Variants in MIA2 observed in about 807,000 individuals in gnomAD.
MIA2 encodes the protein melanoma inhibitory activity protein 2.
MIA2 carries 127 observed loss-of-function variants against 167.8 expected under a neutral mutation model. The observed-to-expected ratio is 0.76, with a 90% CI of 0.66 to 0.88. The LOEUF (loss-of-function observed/expected upper bound fraction) is 0.88, where lower values mean the gene tolerates loss of function less well. MIA2 is among the 40% of genes least tolerant of loss of function. MIA2 has a pLI of 0.00. For synonymous variants in MIA2, 552 were observed against 541.9 expected, an observed-to-expected ratio of 1.02 and a Z score of -0.26; for missense variants, 1,690 against 1,624.7, an observed-to-expected ratio of 1.04 and a Z score of -0.69.
intron 6 of MIA2, chr14:39,267,666 C>G (rs2056170542): frequency 2.0e-5 from 20 of 977,250 alleles, no homozygotes; most frequent in Non-Finnish European, 2.8e-5. Flanking sequence ...GGCTCCCGCC[C>G]GTGTTCGAGG....
At chr14:39,347,646 A>T in intron 26 of MIA2, 67 bp from the exon 27 acceptor site, 1 of 1,530,132 alleles carries the variant, frequency 6.5e-7, no homozygotes, top group Non-Finnish European at 9.0e-7. Flanking sequence ...CAATTTTGTG[A>T]TCTGGAGATA....
chr14:39,314,633 G>A (rs1242188396), intron 19 of MIA2, 106 bp from the exon 20 acceptor site: 5 of 157,604 alleles, frequency 3.2e-5, no homozygotes, highest in Non-Finnish European at 4.9e-5. Flanking sequence ...TTTTTTTCAT[G>A]AAGTAGAGCA....
Position 39,348,858 on chromosome 14 carries a change from G to A in MIA2, c.3953G>A (p.Gly1318Asp), listed in dbSNP as rs556635641. 22 of 1,613,972 alleles carry A rather than the reference G, an allele frequency of 1.4e-5. No homozygotes were observed. Among genetic ancestry groups the A allele is most frequent in the African/African-American group, 2.7e-5 (2 of 75,000 alleles). Residue 1318 changes from glycine to aspartate, a missense_variant, in exon 28 of 29, where the codon GGC becomes GAC. By Grantham distance (94) the Gly-to-Asp change is moderately conservative. Transcript: ENST00000640607. ...RGPLFPVDAR[G>D]PFLRRGPPFP... is the part of the protein sequence containing the mutation. The stretch of plus-strand genomic sequence containing the variant: ...CCATTGTTTCCAGTGGATGCAAGAG[G>A]CCCATTCTTGAGAAGAGGACCTCCT...
chr14:39,263,626 T>C (rs1354969023), intron 6 of MIA2, among the ~76,000 whole-genome samples: 1 of 127,528 alleles, frequency 7.8e-6, no homozygotes, highest in Admixed American at 7.5e-5. Context: ...TTCCTCTCTC[T>C]CTCTCTCTTT....
chr14:39,306,873 G>T (rs2063416376), intron 17 of MIA2, among the ~76,000 whole-genome samples: 2 of 152,026 alleles, frequency 1.3e-5, no homozygotes, highest in Non-Finnish European at 1.5e-5. Context: ...TTTTAGAGGC[G>T]CTCAGAGTTG....
intron 23 of MIA2, among the ~76,000 whole-genome samples, chr14:39,367,722 C>T (rs948767585): frequency 6.6e-6 from 1 of 152,212 alleles, no homozygotes; most frequent in African/African-American, 2.4e-5. Context: ...TGATTATCTA[C>T]ATGCTATTTT....
intron 6 of MIA2, among the ~76,000 whole-genome samples, chr14:39,271,407 G>A (rs563460831): frequency 1.3e-5 from 2 of 152,034 alleles, no homozygotes; most frequent in Non-Finnish European, 2.9e-5. Flanking sequence ...AGATACAGTA[G>A]GGAAGTATGA....
At position 39,259,209 on chromosome 14, in the gene MIA2, C is replaced by T. The variant is rs188255172; in HGVS notation, c.1887+6038C>T. ...AGCTCTGCCCACAGCCGCCCCTTCC[C>T]CCAGGTGCTCTGTCCCAGGGAAATG... is the stretch of plus-strand genomic sequence containing the variant. On this transcript the variant is annotated intron_variant, in intron 6 of 28. Coordinates refer to ENST00000640607, the MANE Select transcript of MIA2 (RefSeq NM_001329214.4). Among the ~76,000 whole-genome samples, 580 of 152,332 alleles carry T rather than the reference C, an allele frequency of 3.8e-3. 2 individuals are homozygous for T. Among genetic ancestry groups the T allele is most frequent in the African/African-American group, 0.013 (541 of 41,582 alleles).
At chr14:39,354,916 C>A (rs1048908103), downstream of MIA2, among the ~76,000 whole-genome samples, 101 of 152,090 alleles carry the variant, frequency 6.6e-4, no homozygotes, top group African/African-American at 2.3e-3. Flanking sequence ...TTCCATTGAT[C>A]TATATCTCTG....
In MIA2 at chr14:39,326,928, T is replaced by C. The variant is rs780960571; in HGVS notation, c.3561T>C (p.Cys1187=). Residue 1187 remains cysteine, a synonymous_variant, in exon 25 of 29, where the codon TGT becomes TGC. Transcript: ENST00000640607. The part of the protein sequence containing the change: ...QITNERGESS[C]DRLTDPHRAP... ...CCAATGAAAGAGGAGAATCAAGCTG[T>C]GATAGGTTAACCGATCCTCATAGGG... 2 of 1,598,684 alleles carry C rather than the reference T, an allele frequency of 1.3e-6. No individual in the cohort carries two copies. Among genetic ancestry groups the C allele is most frequent in the South Asian group, 1.1e-5 (1 of 88,446 alleles).
At chr14:39,358,801 A>G (rs1265250360) in intron 23 of MIA2, among the ~76,000 whole-genome samples, 1 of 152,056 alleles carries the variant, frequency 6.6e-6, no homozygotes, top group African/African-American at 2.4e-5. Flanking sequence ...GTCTGTTGGA[A>G]TTTGCTGGAG....
chr14:39,239,557 T>C (rs1361360222), intron 2 of MIA2, among the ~76,000 whole-genome samples: 1 of 152,022 alleles, frequency 6.6e-6, no homozygotes, highest in African/African-American at 2.4e-5. Context: ...TCTGTCTCTA[T>C]TAAAAAACAA....
intron 15 of MIA2, 26 bp from the exon 16 acceptor site, chr14:39,303,449 CATT>C (rs1261230155): frequency 1.3e-6 from 2 of 1,574,392 alleles, no homozygotes; most frequent in East Asian, 2.2e-5. Context: ...TTTCCCAAAT[CATT>C]GTTGTGCTTT....
intron 6 of MIA2, chr14:39,266,711 G>C (rs1029112647): frequency 8.1e-5 from 80 of 985,444 alleles, no homozygotes; most frequent in Non-Finnish European, 9.0e-5. Context: ...CTGGCTTCTC[G>C]GGGCTGCCGG....
At chr14:39,327,875 G>A (rs937944073) in intron 25 of MIA2, among the ~76,000 whole-genome samples, 4 of 152,248 alleles carry the variant, frequency 2.6e-5, no homozygotes, top group Admixed American at 6.5e-5. Context: ...GACATTGATG[G>A]GCATTTGGGT....
chr14:39,318,052 T>G, intron 22 of MIA2, 41 bp downstream of exon 22: 1 of 1,408,202 alleles, frequency 7.1e-7, no homozygotes, highest in Non-Finnish European at 9.8e-7. Context: ...AGTTATTCTG[T>G]TATTTCGTTA....
chr14:39,368,009 A>T (rs1384981436), intron 23 of MIA2, among the ~76,000 whole-genome samples: 2 of 151,920 alleles, frequency 1.3e-5, no homozygotes, highest in Non-Finnish European at 2.9e-5. Context: ...TGGTAACCTG[A>T]TTTTTTTCCT....
intron 13 of MIA2, among the ~76,000 whole-genome samples, chr14:39,299,305 C>CTTTTT (rs34424266): frequency 0.054 from 5,095 of 95,020 alleles, 649 homozygotes; most frequent in Non-Finnish European, 0.074. Context: ...AATGGTATTT[C>CTTTTT]TTTTTTTTTT....
intron 25 of MIA2, among the ~76,000 whole-genome samples, chr14:39,333,966 A>G (rs1040485132): frequency 1.3e-5 from 2 of 152,190 alleles, no homozygotes; most frequent in African/African-American, 2.4e-5. Context: ...TATAATCTCA[A>G]TGTCATAGAC....
Sources: gnomAD v4.1 joint callset for allele counts (sites outside exome capture counted in the v4.1 genomes callset) on GRCh38, gnomAD v4.1.1 for gene constraint, MANE v1.5 for transcripts, NCBI Gene and HGNC (gene_info 2026-07-23, HGNC 2026-07-21) for gene names.